ASTN2: variants seen among roughly 807,000 people sequenced by gnomAD.
ASTN2 encodes astrotactin-2.
ASTN2 carries 54 observed loss-of-function variants against 139.8 expected under a neutral mutation model. The observed-to-expected ratio is 0.39, with a 90% CI of 0.31 to 0.48. The LOEUF is 0.48. ASTN2 is among the 20% of genes least tolerant of loss of function. The pLI is 0.95. For missense variants in ASTN2, 1,565 were observed against 1,725.1 expected (o/e 0.91, Z 1.64); for synonymous variants, 756 against 719.5 (o/e 1.05, Z -0.81).
rs114026196 is a variant in ASTN2, at chr9:117,030,263, G to T, written c.1423+9556C>A. Among the ~76,000 whole-genome samples the T allele has an allele frequency of 8.7e-3, 1,330 of 152,188 alleles. 18 individuals are homozygous for T. Among genetic ancestry groups the T allele is most frequent in the African/African-American group, 0.03 (1,266 of 41,546 alleles). On this transcript the variant is annotated intron_variant, in intron 6 of 22. Transcript: ENST00000313400. ...TAGACTTGAAGTCAATCTCATCAAA[G>T]CTCCCACCCAGCATTCTCTCTTTCC...
chr9:117,000,082 A>T (rs995146131), intron 7 of ASTN2, among the ~76,000 whole-genome samples: 22 of 152,382 alleles, frequency 1.4e-4, no homozygotes, highest in African/African-American at 4.6e-4. Context: ...GTGAAGATAC[A>T]CATGACTGAA....
chr9:117,083,412 G>A (rs1389969102), intron 5 of ASTN2, among the ~76,000 whole-genome samples: 1 of 152,052 alleles, frequency 6.6e-6, no homozygotes, highest in African/African-American at 2.4e-5. Context: ...TCCAGGCCTG[G>A]GAATGTACAT....
At chr9:117,258,113 T>C (rs1460846596) in intron 2 of ASTN2, among the ~76,000 whole-genome samples, 2 of 152,182 alleles carry the variant, frequency 1.3e-5, no homozygotes, top group Non-Finnish European at 2.9e-5. Context: ...CCCATCTCTA[T>C]AGCCTTGTGC....
intron 4 of ASTN2, among the ~76,000 whole-genome samples, chr9:117,100,511 C>T (rs1342139116): frequency 6.6e-6 from 1 of 151,960 alleles, no homozygotes; most frequent in African/African-American, 2.4e-5. Flanking sequence ...AAGTTATTAC[C>T]GAAGTATTTT....
chr9:116,941,637 G>A (rs1356798742), intron 10 of ASTN2, among the ~76,000 whole-genome samples: 2 of 149,702 alleles, frequency 1.3e-5, no homozygotes, highest in Non-Finnish European at 3.0e-5. Flanking sequence ...CTAGAATAAT[G>A]CTTGACAAAA....
chr9:117,251,491 T>C (rs558781924), intron 2 of ASTN2, among the ~76,000 whole-genome samples: 20 of 152,282 alleles, frequency 1.3e-4, no homozygotes, highest in African/African-American at 4.6e-4. Flanking sequence ...GGAATTTCAT[T>C]CTATTCATGT....
Position 117,108,632 on chromosome 9 carries a change from C to G in ASTN2, c.1169-12481G>C, listed in dbSNP as rs188504905. 1.1e-4 allele frequency among the ~76,000 whole-genome samples: 17 copies of G among 152,188 alleles called. No individual in the cohort carries two copies. The East Asian group carries it at 3.3e-3, about 29-fold the overall frequency. On this transcript the variant is annotated intron_variant, in intron 4 of 22. Transcript: ENST00000313400. ...GCAGAAATTAATATACTTGTGAGAA[C>G]CAGAGAGTTCTCACTAGGGAAAACC...
chr9:116,466,960 C>A (rs1344270118), intron 20 of ASTN2, among the ~76,000 whole-genome samples: 3 of 152,098 alleles, frequency 2.0e-5, no homozygotes, highest in Non-Finnish European at 4.4e-5. Context: ...GTACCTATAG[C>A]CACTGACGAA....
chr9:117,398,062 G>A (rs1022074188), intron 1 of ASTN2, among the ~76,000 whole-genome samples: 3 of 152,044 alleles, frequency 2.0e-5, no homozygotes, highest in African/African-American at 7.2e-5. Context: ...ATGTACGAAT[G>A]TTTCTGTTAC....
At chr9:116,977,045 T>C (rs1046264357) in intron 7 of ASTN2, among the ~76,000 whole-genome samples, 2 of 152,154 alleles carry the variant, frequency 1.3e-5, no homozygotes, top group African/African-American at 2.4e-5. Flanking sequence ...GAGGTCAAAG[T>C]TGCAACCCAG....
intron 19 of ASTN2, among the ~76,000 whole-genome samples, chr9:116,547,882 G>A (rs190649180): frequency 6.6e-6 from 1 of 152,214 alleles, no homozygotes; most frequent in Non-Finnish European, 1.5e-5. Flanking sequence ...TCCCCTCCAG[G>A]CATCAGCCTC....
At chr9:116,558,920 C>T (rs867281653) in intron 19 of ASTN2, among the ~76,000 whole-genome samples, 2 of 152,296 alleles carry the variant, frequency 1.3e-5, no homozygotes, top group Middle Eastern at 3.4e-3. Flanking sequence ...AATGCTCATT[C>T]TCGTTCATTT....
chr9:116,898,249 A>G (rs979197745), intron 10 of ASTN2, among the ~76,000 whole-genome samples: 15 of 152,066 alleles, frequency 9.9e-5, no homozygotes, highest in African/African-American at 3.1e-4. Context: ...TCTACAAAAA[A>G]TAGAAAAAAT....
chr9:116,758,522 T>A (rs904471116), intron 13 of ASTN2, among the ~76,000 whole-genome samples: 2 of 152,162 alleles, frequency 1.3e-5, no homozygotes, highest in African/African-American at 4.8e-5. Flanking sequence ...AGAAGAAACT[T>A]ATCTATCAGG....
Position 116,425,846 on chromosome 9 carries a change from C to T in ASTN2, c.*5G>A, listed in dbSNP as rs1296126252. 4 of 1,614,126 alleles carry T rather than the reference C, an allele frequency of 2.5e-6. No individual in the cohort carries two copies. The highest frequency in any genetic ancestry group is 3.4e-6 in the Non-Finnish European group (4 of 1,180,028). ...CTCTGTGCTCACGGAGGGCAATACC[C>T]TCCCTCACCGGCCCTTGGACTCCCC... On this transcript the variant is annotated 3_prime_UTR_variant, in exon 23 of 23. Transcript: ENST00000313400.
intron 2 of ASTN2, among the ~76,000 whole-genome samples, chr9:117,223,162 G>C (rs1370580737): frequency 6.6e-6 from 1 of 152,164 alleles, no homozygotes; most frequent in East Asian, 1.9e-4. Flanking sequence ...GGGCATGATG[G>C]GGAGATTGAA....
intron 13 of ASTN2, among the ~76,000 whole-genome samples, chr9:116,750,188 A>T (rs1829359538): frequency 6.6e-6 from 1 of 152,236 alleles, no homozygotes; most frequent in Non-Finnish European, 1.5e-5. Context: ...AAAAACTCTT[A>T]AAGCAAAAGA....
At chr9:116,673,495 T>C (rs1859321156) in intron 16 of ASTN2, among the ~76,000 whole-genome samples, 1 of 152,202 alleles carries the variant, frequency 6.6e-6, no homozygotes, top group African/African-American at 2.4e-5. Context: ...CTCCAGTACA[T>C]TGGAATGTGA....
At position 117,414,385 on chromosome 9, in the gene ASTN2, C is replaced by A. The variant is rs1741825502; in HGVS notation, c.442+112G>T. 1 of 1,502,390 alleles carries A rather than the reference C, an allele frequency of 6.7e-7. No individual in the cohort carries two copies. Among genetic ancestry groups the A allele is most frequent in the South Asian group, 1.3e-5 (1 of 77,728 alleles). The allele number at this position is 1,502,390 out of a possible 1,614,324, so 93.1% of individuals were successfully genotyped here. A position where few individuals can be genotyped will look rare whatever the true frequency, so the allele number is the denominator to read the frequency against. On this transcript the variant is annotated intron_variant, in intron 1 of 22. Transcript: ENST00000313400. This position sits in a 1 kb window ranked among gnomAD's most constrained non-coding sequence, Gnocchi z 4.2. ...GGGCCCCTCCTCTACCCTCTGCCAA[C>A]CCCACTCGGGGCAGCCCCGGGCAGG...
Sources: allele counts gnomAD v4.1 joint callset (sites outside exome capture counted in the v4.1 genomes callset), GRCh38; gene constraint gnomAD v4.1.1; non-coding constraint Gnocchi (gnomAD v3.1); transcripts MANE v1.5; gene names NCBI Gene and HGNC (gene_info 2026-07-23, HGNC 2026-07-21).